The following GPAT3 variants were observed in gnomAD, a reference collection of about 807,000 sequenced individuals.
GPAT3 encodes 1-AGP acyltransferase 9.
GPAT3 carries 53 observed loss-of-function variants against 58.8 expected under a neutral mutation model. That is an observed-to-expected ratio of 0.90 (90% CI 0.72 to 1.13). GPAT3 has a LOEUF of 1.13. Ranked by LOEUF, GPAT3 falls within the 50% of genes most tolerant of loss-of-function variation. GPAT3 has a pLI of 0.00. For missense variants in GPAT3, 511 were observed against 527.6 expected (o/e 0.97, Z 0.31); for synonymous variants, 197 against 187.4 (o/e 1.05, Z -0.42).
In GPAT3 at chr4:83,590,885, CTT is replaced by C. The variant is rs5859882; in HGVS notation, c.738+612_738+613del. ...TGGGGATGAATATAGGAATCATATT[CTT>C]TTTTTTTTTTTTTTTTTTCAAATCT... On this transcript the variant is annotated intron_variant, in intron 6 of 11. Transcript: ENST00000264409. Among the ~76,000 whole-genome samples the C allele has an allele frequency of 1.5e-3, 172 of 114,320 alleles. 2 individuals carry two copies. The highest frequency in any genetic ancestry group is 5.2e-3 in the African/African-American group (162 of 31,178). 75.0% of individuals were successfully genotyped at this position (114,320 alleles called of 152,430 possible). A position where few individuals can be genotyped will look rare whatever the true frequency, so the allele number is the denominator to read the frequency against.
chr4:83,596,765 C>A, intron 7 of GPAT3, 93 bp from the exon 8 acceptor site: 1 of 941,510 alleles, frequency 1.1e-6, no homozygotes, highest in Non-Finnish European at 1.7e-6. Context: ...CTTATTGCTT[C>A]ACAATTGTGC....
intron 2 of GPAT3, among the ~76,000 whole-genome samples, chr4:83,556,224 T>C (rs1485215540): frequency 6.6e-6 from 1 of 152,206 alleles, no homozygotes; most frequent in Non-Finnish European, 1.5e-5. Context: ...ACAGAGTTAA[T>C]GTGGGCTGCC....
intron 2 of GPAT3, among the ~76,000 whole-genome samples, chr4:83,564,607 G>A (rs1725314906): frequency 6.6e-6 from 1 of 152,096 alleles, no homozygotes; most frequent in Non-Finnish European, 1.5e-5. Context: ...GCTGAGGTGG[G>A]TGGATCACAG....
chr4:83,540,110 T>G (rs1299011702), intron 1 of GPAT3, among the ~76,000 whole-genome samples: 2 of 141,104 alleles, frequency 1.4e-5, no homozygotes, highest in African/African-American at 5.4e-5. Context: ...TGAGCCAAGA[T>G]CACGCCACTG....
Position 83,598,645 on chromosome 4 carries a change from A to G in GPAT3, c.1127A>G (p.Glu376Gly). ...VWYMPPMTRE[E>G]GEDAVQFANR... ...CAATTTTTTTTTTTTTTAAACCAGGAAGGAGAAGATGCAGTCCAGTTTGCT... is the reference window on the plus strand; with the variant it reads ...CAATTTTTTTTTTTTTTAAACCAGGGAGGAGAAGATGCAGTCCAGTTTGCT... The change falls in exon 11 of 12, where the codon GAA (glutamate) becomes GGA (glycine). Residue 376 changes from glutamate to glycine, a missense_variant and splice_region_variant. Transcript: ENST00000264409. 6.2e-7 allele frequency: 1 copy of G among 1,604,072 alleles called. No homozygotes were observed. The highest frequency in any genetic ancestry group is 8.5e-7 in the Non-Finnish European group (1 of 1,176,226).
chr4:83,549,759 G>C (rs1359687151), intron 2 of GPAT3, among the ~76,000 whole-genome samples: 1 of 148,808 alleles, frequency 6.7e-6, no homozygotes, highest in Non-Finnish European at 1.5e-5. Flanking sequence ...GTCTGGCTCT[G>C]TTGCCCAGGC....
rs773007146 is a variant in GPAT3, at chr4:83,581,578, T to C, written c.225T>C (p.Asp75=). ...NSASVGIIQR[D]ESPMEKGLSG... is the part of the protein sequence containing the mutation. ...TCTTTTAAGGTATTATCCAAAGAGA[T>C]GAGTCACCCATGGAAAAAGGGCTCT... Residue 75 remains aspartate (D), a synonymous_variant, in exon 3 of 12, where the codon GAT becomes GAC. Coordinates refer to ENST00000264409, the MANE Select transcript of GPAT3 (RefSeq NM_032717.5). 7 of 1,613,978 alleles carry C rather than the reference T, an allele frequency of 4.3e-6. No individual in the cohort carries two copies. The South Asian group carries it at 7.7e-5, about 18-fold the overall frequency.
intron 5 of GPAT3, 70 bp from the exon 6 acceptor site, chr4:83,590,129 A>T (rs1157334621): frequency 7.1e-7 from 1 of 1,408,014 alleles, no homozygotes; most frequent in East Asian, 2.3e-5. Flanking sequence ...CACTTAAAAA[A>T]GTAAGATGAG....
chr4:83,583,667 G>GAAGA (rs760151577), intron 3 of GPAT3, among the ~76,000 whole-genome samples: 13 of 23,452 alleles, frequency 5.5e-4, no homozygotes, highest in Admixed American at 1.3e-3. Context: ...ACTCTTGTCT[G>GAAGA]AAAAAAAAAA....
chr4:83,581,981 T>C, intron 3 of GPAT3, 149 bp downstream of exon 3: 1 of 1,053,458 alleles, frequency 9.5e-7, no homozygotes. Context: ...TAAAGGAATG[T>C]ATTACGTATC....
chr4:83,578,412 G>C (rs1049457495), intron 2 of GPAT3, among the ~76,000 whole-genome samples: 1 of 152,144 alleles, frequency 6.6e-6, no homozygotes, highest in Admixed American at 6.5e-5. Flanking sequence ...TAGGTAAGAA[G>C]GCAGAGAAAA....
At chr4:83,591,895 A>G (rs948382186) in intron 6 of GPAT3, among the ~76,000 whole-genome samples, 2 of 152,202 alleles carry the variant, frequency 1.3e-5, no homozygotes, top group Non-Finnish European at 2.9e-5. Flanking sequence ...GGGAAGTCCA[A>G]TATCAAGGTG....
At chr4:83,548,932 G>C (rs1406776555) in intron 2 of GPAT3, among the ~76,000 whole-genome samples, 1 of 152,004 alleles carries the variant, frequency 6.6e-6, no homozygotes, top group East Asian at 1.9e-4. Context: ...TTTACTTTGG[G>C]AATTTTTTTC....
rs542183357 is a variant in GPAT3, at chr4:83,569,369, T to C, written c.209-12193T>C. On this transcript the variant is annotated intron_variant, in intron 2 of 11. Coordinates refer to ENST00000264409, the MANE Select transcript of GPAT3 (RefSeq NM_032717.5). ...CCTGGAGTGATGACTGAGAAGAATATAGCAGGGCTGCTTGGCTCTTTGGAC... is the reference window on the plus strand; with the variant it reads ...CCTGGAGTGATGACTGAGAAGAATACAGCAGGGCTGCTTGGCTCTTTGGAC... Among the ~76,000 whole-genome samples, 3 of 152,322 alleles carry C rather than the reference T, an allele frequency of 2.0e-5. No homozygotes were observed. The South Asian group carries it at 6.2e-4, about 32-fold the overall frequency.
At chr4:83,589,131 A>G (rs1726494283) in intron 5 of GPAT3, among the ~76,000 whole-genome samples, 1 of 152,250 alleles carries the variant, frequency 6.6e-6, no homozygotes. Context: ...GTGAAAGAAA[A>G]CACTCTGGCA....
chr4:83,570,702 A>C (rs1467897234), intron 2 of GPAT3, among the ~76,000 whole-genome samples: 4 of 152,094 alleles, frequency 2.6e-5, no homozygotes, highest in Non-Finnish European at 5.9e-5. Context: ...CGAACTCCTG[A>C]TCTCAGGTGA....
At chr4:83,573,447 C>A (rs1318996962) in intron 2 of GPAT3, among the ~76,000 whole-genome samples, 1 of 152,134 alleles carries the variant, frequency 6.6e-6, no homozygotes, top group Non-Finnish European at 1.5e-5. Context: ...CCTTAATGAT[C>A]TTTTTAGTCT....
chr4:83,550,246 T>A (rs527734837), intron 2 of GPAT3, among the ~76,000 whole-genome samples: 1 of 152,262 alleles, frequency 6.6e-6, no homozygotes, highest in East Asian at 1.9e-4. Flanking sequence ...TTGCCCAGGC[T>A]GGTCTTGAAC....
Position 83,536,472 on chromosome 4 carries a change from A to T in GPAT3, c.-151A>T. On this transcript the variant is annotated 5_prime_UTR_variant, in exon 1 of 12. Transcript: ENST00000264409. ...AGGAAGGATATTGCCGTAATTCTGAAAGTTTTTTTCCTTCCTCTCTTCCCT... is the reference window on the plus strand; with the variant it reads ...AGGAAGGATATTGCCGTAATTCTGATAGTTTTTTTCCTTCCTCTCTTCCCT... 6.9e-7 allele frequency: 1 copy of T among 1,456,816 alleles called. No homozygotes were observed. 90.2% of individuals were successfully genotyped at this position (1,456,816 alleles called of 1,614,324 possible). A position where few individuals can be genotyped will look rare whatever the true frequency, so the allele number is the denominator to read the frequency against.
Sources: allele counts gnomAD v4.1 joint callset (sites outside exome capture counted in the v4.1 genomes callset), GRCh38; gene constraint gnomAD v4.1.1; transcripts MANE v1.5; gene names NCBI Gene and HGNC (gene_info 2026-07-23, HGNC 2026-07-21).